The following UNC5C variants were observed in gnomAD, a reference collection of about 807,000 sequenced individuals.
UNC5C encodes netrin receptor UNC5C.
In UNC5C, 47 loss-of-function variants were observed where a neutral mutation model predicts 99.8. The ratio of observed to expected loss-of-function variants is 0.47; its 90% CI spans 0.37 to 0.60. The LOEUF is 0.60. Among genes scored for constraint, UNC5C ranks in the 20% least tolerant of loss-of-function variants. The pLI is 0.00. For missense variants in UNC5C, 1,062 were observed against 1,165.9 expected (o/e 0.91, Z 1.30); for synonymous variants, 487 against 452.2 (o/e 1.08, Z -0.98).
intron 1 of UNC5C, among the ~76,000 whole-genome samples, chr4:95,481,007 A>G (rs933727448): frequency 2.3e-4 from 34 of 150,484 alleles, no homozygotes; most frequent in African/African-American, 8.4e-4. Context: ...AGTTCTGGCC[A>G]GGGCAATTAG....
At chr4:95,545,138 A>T (rs1197014270) in intron 1 of UNC5C, among the ~76,000 whole-genome samples, 3 of 152,198 alleles carry the variant, frequency 2.0e-5, no homozygotes, top group Non-Finnish European at 2.9e-5. Flanking sequence ...TCTGACTAGG[A>T]CAACCAGCTC....
At chr4:95,339,314 C>T (rs974683766) in intron 1 of UNC5C, among the ~76,000 whole-genome samples, 1 of 151,856 alleles carries the variant, frequency 6.6e-6, no homozygotes, top group African/African-American at 2.4e-5. Context: ...AAGTAAAATC[C>T]CTGCCATGCT....
intron 7 of UNC5C, among the ~76,000 whole-genome samples, chr4:95,240,020 G>T (rs1282864674): frequency 1.3e-5 from 2 of 152,152 alleles, no homozygotes; most frequent in East Asian, 3.9e-4. Context: ...TTCAGAGGTT[G>T]TAGTTCTTAC....
chr4:95,181,228 CTT>C (rs1223878498), intron 14 of UNC5C, among the ~76,000 whole-genome samples: 1 of 152,210 alleles, frequency 6.6e-6, no homozygotes, highest in Non-Finnish European at 1.5e-5. Context: ...AGGCTGGTCT[CTT>C]TGAGCAGACT....
intron 1 of UNC5C, among the ~76,000 whole-genome samples, chr4:95,497,960 A>G (rs1721674805): frequency 6.6e-6 from 1 of 152,012 alleles, no homozygotes. Flanking sequence ...CAGATATATC[A>G]TAGTCATGGC....
intron 1 of UNC5C, among the ~76,000 whole-genome samples, chr4:95,417,171 G>T (rs1746187401): frequency 6.6e-6 from 1 of 152,136 alleles, no homozygotes; most frequent in African/African-American, 2.4e-5. Flanking sequence ...ATTTCAAAAT[G>T]AGTGCCGTCG....
At chr4:95,177,764 T>G (rs932732326) in intron 14 of UNC5C, among the ~76,000 whole-genome samples, 1 of 152,164 alleles carries the variant, frequency 6.6e-6, no homozygotes, top group African/African-American at 2.4e-5. Context: ...TGCCATGGTG[T>G]GATCATAGCT....
intron 10 of UNC5C, among the ~76,000 whole-genome samples, chr4:95,213,217 A>C (rs1436730428): frequency 6.6e-6 from 1 of 152,244 alleles, no homozygotes; most frequent in Non-Finnish European, 1.5e-5. Flanking sequence ...GAAAAGGGAA[A>C]ATCAACTTTC....
At chr4:95,542,777 T>G (rs12502915) in intron 1 of UNC5C, among the ~76,000 whole-genome samples, 22,808 of 152,004 alleles carry the variant, frequency 0.15, 2,255 homozygotes, top group East Asian at 0.42. Context: ...AAGGCAGAAA[T>G]TCTTCTGGTG....
At chr4:95,198,890 T>G (rs1439156707) in intron 12 of UNC5C, among the ~76,000 whole-genome samples, 3 of 152,140 alleles carry the variant, frequency 2.0e-5, no homozygotes, top group Non-Finnish European at 4.4e-5. Flanking sequence ...TCCAAAAAGA[T>G]TTGGGAAAGT....
chr4:95,458,828 G>A (rs1448915647), intron 1 of UNC5C, among the ~76,000 whole-genome samples: 1 of 151,920 alleles, frequency 6.6e-6, no homozygotes, highest in African/African-American at 2.4e-5. Context: ...TTATTTAATA[G>A]AATATTGAAC....
chr4:95,292,662 A>C (rs1443461499), intron 3 of UNC5C, among the ~76,000 whole-genome samples: 4 of 152,208 alleles, frequency 2.6e-5, no homozygotes, highest in Non-Finnish European at 4.4e-5. Flanking sequence ...CAGAAACGTA[A>C]TAAGTACAAG....
At chr4:95,424,363 T>C (rs1160904249) in intron 1 of UNC5C, among the ~76,000 whole-genome samples, 2 of 151,064 alleles carry the variant, frequency 1.3e-5, no homozygotes, top group Non-Finnish European at 2.9e-5. Flanking sequence ...GTATGAAGAG[T>C]AGGAAATACC....
intron 1 of UNC5C, among the ~76,000 whole-genome samples, chr4:95,536,278 G>T (rs527638578): frequency 6.6e-6 from 1 of 152,148 alleles, no homozygotes; most frequent in South Asian, 2.1e-4. Context: ...ATTTCACCAG[G>T]TTGGCTAGGC....
At chr4:95,500,609 C>T (rs1049523814) in intron 1 of UNC5C, among the ~76,000 whole-genome samples, 3 of 152,240 alleles carry the variant, frequency 2.0e-5, no homozygotes, top group Admixed American at 2.0e-4. Context: ...CAACAACTTG[C>T]TCTTATTTTG....
intron 3 of UNC5C, among the ~76,000 whole-genome samples, chr4:95,301,195 A>ATTTTT (rs34905310): frequency 1.4e-4 from 18 of 125,808 alleles, no homozygotes; most frequent in East Asian, 4.7e-4. Context: ...TTTTTCCAGG[A>ATTTTT]TTTTTTTTTT....
At chr4:95,425,961 C>T (rs1268436898) in intron 1 of UNC5C, among the ~76,000 whole-genome samples, 1 of 152,010 alleles carries the variant, frequency 6.6e-6, no homozygotes, top group Non-Finnish European at 1.5e-5. Flanking sequence ...GCAGCACTTC[C>T]TTTTACATTT....
At chr4:95,200,504 T>G (rs766055140) in intron 12 of UNC5C, among the ~76,000 whole-genome samples, 4 of 152,220 alleles carry the variant, frequency 2.6e-5, no homozygotes, top group Admixed American at 6.5e-5. Flanking sequence ...TTACTTAAAC[T>G]TTCTGTGCCT....
At chr4:95,266,789 AT>A (rs1268319579) in intron 4 of UNC5C, among the ~76,000 whole-genome samples, 4 of 152,154 alleles carry the variant, frequency 2.6e-5, no homozygotes, top group African/African-American at 9.7e-5. Flanking sequence ...TTCAGTTTAA[AT>A]TTTTATTTAT....
Sources: gnomAD v4.1 joint callset for allele counts (sites outside exome capture counted in the v4.1 genomes callset) on GRCh38, gnomAD v4.1.1 for gene constraint, MANE v1.5 for transcripts, NCBI Gene and HGNC (gene_info 2026-07-23, HGNC 2026-07-21) for gene names.